Variants in NCOR1 observed in about 807,000 individuals in gnomAD.
The protein encoded by NCOR1 is protein phosphatase 1, regulatory subunit 109.
NCOR1 carries 63 observed loss-of-function variants against 288.1 expected under a neutral mutation model. That is an observed-to-expected ratio of 0.22 (90% CI 0.18 to 0.27). NCOR1 has a LOEUF of 0.27. NCOR1 is among the 10% of genes least tolerant of loss of function. The pLI, the probability that NCOR1 is intolerant of heterozygous loss-of-function variation, is 1.00. For synonymous variants in NCOR1, 1,007 were observed against 1,065.9 expected (o/e 0.94, Z 1.08); for missense variants, 2,397 against 3,019.2 (o/e 0.79, Z 4.83).
chr17:16,115,577 T>G (rs1262321459), intron 18 of NCOR1, among the ~76,000 whole-genome samples: 1 of 152,138 alleles, frequency 6.6e-6, no homozygotes, highest in South Asian at 2.1e-4. Flanking sequence ...ACCTAAATTA[T>G]CTCTCTCAAG....
At chr17:16,136,419 T>A (rs1217660828) in intron 14 of NCOR1, among the ~76,000 whole-genome samples, 1 of 152,172 alleles carries the variant, frequency 6.6e-6, no homozygotes, top group Non-Finnish European at 1.5e-5. Flanking sequence ...CTTGAACTCC[T>A]GGGCTCAGGC....
rs142105041 is a variant in NCOR1, at chr17:16,046,989, C to A, written c.6641G>T (p.Arg2214Leu). The A allele has an allele frequency of 3.1e-6, 5 of 1,613,884 alleles. No homozygotes were observed. The highest frequency in any genetic ancestry group is 4.2e-6 in the Non-Finnish European group (5 of 1,179,952). The change falls in exon 42 of 46, where the codon CGT (arginine) becomes CTT (leucine). Residue 2214 changes from arginine (R) to leucine (L), a missense_variant. This residue lies in a region of NCOR1 where 1,872 missense variants were observed against 2,187.8 expected (regional missense o/e 0.86). Transcript: ENST00000268712. Reference sequence around the variant, plus strand: ...ACCTCCACCAGAGGAGTTCAACTTACGAAAAATCTCCTGCTTCTTTGATTT... The same window carrying A: ...ACCTCCACCAGAGGAGTTCAACTTAAGAAAAATCTCCTGCTTCTTTGATTT... ...MVKSKKQEIF[R>L]KLNSSGGGDS...
chr17:16,058,155 A>C, intron 38 of NCOR1, 91 bp from the exon 39 acceptor site: 1 of 1,415,006 alleles, frequency 7.1e-7, no homozygotes, highest in African/African-American at 1.4e-5. Flanking sequence ...AGAACACCTG[A>C]AAGGATGTGG....
chr17:16,123,776 C>A (rs2153172654), intron 15 of NCOR1, among the ~76,000 whole-genome samples: 2 of 152,320 alleles, frequency 1.3e-5, no homozygotes, highest in South Asian at 4.1e-4. Flanking sequence ...TCTTCTTAAT[C>A]TGCCAAAGCA....
intron 2 of NCOR1, among the ~76,000 whole-genome samples, chr17:16,193,073 G>A (rs867162238): frequency 9.2e-5 from 14 of 152,262 alleles, no homozygotes; most frequent in Middle Eastern, 3.4e-3. Flanking sequence ...AGGATGGGGT[G>A]CCAAAGAACG....
Position 16,101,330 on chromosome 17 carries a change from C to T in NCOR1, c.2610G>A (p.Arg870=). 1 of 1,614,034 alleles carries T rather than the reference C, an allele frequency of 6.2e-7. No individual in the cohort carries two copies. The highest frequency in any genetic ancestry group is 8.5e-7 in the Non-Finnish European group (1 of 1,179,968). Reference sequence around the variant, plus strand: ...AATCATTGTCTGACTGGGGCTCGGGCCTTTGGGCATTTATTTGCTGAGCTA... The same window carrying T: ...AATCATTGTCTGACTGGGGCTCGGGTCTTTGGGCATTTATTTGCTGAGCTA... ...LVVAQQINAQ[R]PEPQSDNDSS... The change falls in exon 20 of 46, where the codon AGG becomes AGA. Residue 870 remains arginine, a synonymous_variant. Coordinates refer to ENST00000268712, the MANE Select transcript of NCOR1 (RefSeq NM_006311.4).
chr17:16,184,295 A>G (rs2086148846), intron 3 of NCOR1, among the ~76,000 whole-genome samples: 1 of 152,236 alleles, frequency 6.6e-6, no homozygotes, highest in African/African-American at 2.4e-5. Flanking sequence ...CACAGAAAAC[A>G]TATTTGTAAA....
chr17:16,123,655 G>T (rs1177994312), intron 15 of NCOR1, among the ~76,000 whole-genome samples: 1 of 152,108 alleles, frequency 6.6e-6, no homozygotes, highest in Non-Finnish European at 1.5e-5. Context: ...TAAGTCTAAT[G>T]AAATCATTAT....
At chr17:16,130,135 T>C (rs2075368433) in intron 14 of NCOR1, among the ~76,000 whole-genome samples, 2 of 152,210 alleles carry the variant, frequency 1.3e-5, no homozygotes, top group South Asian at 2.1e-4. Context: ...CACCCCTCTG[T>C]ATACTGACCA....
chr17:16,103,941 T>C (rs1295555226), intron 19 of NCOR1, among the ~76,000 whole-genome samples: 1 of 152,122 alleles, frequency 6.6e-6, no homozygotes, highest in Non-Finnish European at 1.5e-5. Flanking sequence ...ATCCGGGAAG[T>C]GGAGGTTGTG....
chr17:16,196,544 G>A (rs191441628), intron 1 of NCOR1, among the ~76,000 whole-genome samples: 218 of 152,240 alleles, frequency 1.4e-3, no homozygotes, highest in African/African-American at 4.7e-3. Flanking sequence ...TTAGTCAGGC[G>A]GCTGGGCGTG....
chr17:16,080,103 G>A lies in NCOR1; in HGVS notation c.3401-39C>T, dbSNP rs749061211. 7.1e-6 allele frequency: 11 copies of A among 1,542,326 alleles called. No homozygotes were observed. In the Admixed American group the frequency reaches 1.7e-4, roughly 24 times the overall value. On this transcript the variant is annotated intron_variant, in intron 25 of 45. Coordinates refer to ENST00000268712, the MANE Select transcript of NCOR1 (RefSeq NM_006311.4). ...AAGCTATTAGCAAATTACACCCCCA[G>A]CCCCTGCCCCAAAACATAAAAAAAC...
intron 4 of NCOR1, among the ~76,000 whole-genome samples, chr17:16,169,759 A>G (rs1245278539): frequency 6.6e-6 from 1 of 152,244 alleles, no homozygotes; most frequent in Non-Finnish European, 1.5e-5. Context: ...CTTTTCTGCT[A>G]AAAAACAAAA....
At chr17:16,037,210 GT>G (rs1188899676) in intron 44 of NCOR1, among the ~76,000 whole-genome samples, 4 of 152,134 alleles carry the variant, frequency 2.6e-5, no homozygotes, top group Non-Finnish European at 5.9e-5. Context: ...TCTTATACAG[GT>G]GCTCCTCATG....
intron 42 of NCOR1, chr17:16,044,955 T>G (rs2058411676): frequency 3.4e-6 from 2 of 587,724 alleles, no homozygotes; most frequent in Admixed American, 2.7e-5. Context: ...TTGGTTGTTT[T>G]GACTAAATTT....
intron 21 of NCOR1, among the ~76,000 whole-genome samples, chr17:16,094,346 A>G (rs2152934532): frequency 6.6e-6 from 1 of 152,350 alleles, no homozygotes; most frequent in Middle Eastern, 3.4e-3. Flanking sequence ...GTGAATGAAC[A>G]AATGTTTAAT....
In NCOR1 at chr17:16,109,515, T is replaced by G. The variant is rs191696194; in HGVS notation, c.2056-603A>C. On this transcript the variant is annotated intron_variant, in intron 18 of 45. Coordinates refer to ENST00000268712, the MANE Select transcript of NCOR1 (RefSeq NM_006311.4). ...ACTGTTACAAATTCTTCCTAATTATTGTTATTAATGATCCCATGAAAACAT... is the reference window on the plus strand; with the variant it reads ...ACTGTTACAAATTCTTCCTAATTATGGTTATTAATGATCCCATGAAAACAT... Among the ~76,000 whole-genome samples the G allele has an allele frequency of 9.7e-3, 1,477 of 152,264 alleles. 16 individuals are homozygous for G. The highest frequency in any genetic ancestry group is 0.035 in the South Asian group (169 of 4,818).
intron 6 of NCOR1, 126 bp from the exon 7 acceptor site, chr17:16,153,521 T>A: frequency 3.6e-6 from 2 of 554,328 alleles, no homozygotes; most frequent in Non-Finnish European, 6.1e-6. Context: ...CCAAATATCC[T>A]TCTTCTATAT....
Position 16,031,063 on chromosome 17 carries a change from TAATG to T in NCOR1, c.*1229_*1232del, listed in dbSNP as rs1971892495. The T allele has an allele frequency of 5.2e-6, 1 of 192,630 alleles. No homozygotes were observed. Among genetic ancestry groups the T allele is most frequent in the South Asian group, 1.9e-4 (1 of 5,196 alleles). 11.9% of individuals were successfully genotyped at this position (192,630 alleles called of 1,614,324 possible). A position where few individuals can be genotyped will look rare whatever the true frequency, so the allele number is the denominator to read the frequency against. ...ACTTTAAAATTCAGCAAGCAATTCT[TAATG>T]AAAGATAAAACTGGCCCTCTAGTAC... On this transcript the variant is annotated 3_prime_UTR_variant, in exon 46 of 46. Coordinates refer to ENST00000268712, the MANE Select transcript of NCOR1 (RefSeq NM_006311.4).
Sources: gnomAD v4.1 joint callset for allele counts (sites outside exome capture counted in the v4.1 genomes callset) on GRCh38, gnomAD v4.1.1 for gene constraint, gnomAD v4.1.1 regional missense constraint, MANE v1.5 for transcripts, NCBI Gene and HGNC (gene_info 2026-07-23, HGNC 2026-07-21) for gene names.